The following NLGN1 variants were observed in gnomAD, a reference collection of about 807,000 sequenced individuals.
NLGN1 encodes neuroligin 1.
NLGN1 carries 12 observed loss-of-function variants against 65.5 expected under a neutral mutation model. That is an observed-to-expected ratio of 0.18 (90% CI 0.12 to 0.30). NLGN1 has a LOEUF of 0.30. NLGN1 is among the 10% of genes least tolerant of loss of function. The probability of loss-of-function intolerance (pLI) is 1.00; values close to 1 mark genes in which losing one functional copy is unlikely to be tolerated. For missense variants in NLGN1, 750 were observed against 1,007.1 expected, an observed-to-expected ratio of 0.74 and a Z score of 3.46; for synonymous variants, 350 against 359.5, an observed-to-expected ratio of 0.97 and a Z score of 0.30.
chr3:173,397,575 C>T (rs9838051), upstream of NLGN1, among the ~76,000 whole-genome samples: 40,392 of 151,478 alleles, frequency 0.27, 5,778 homozygotes, highest in East Asian at 0.56. Context: ...TTGGCGTCTT[C>T]GGAGCAGATG....
intron 3 of NLGN1, among the ~76,000 whole-genome samples, chr3:173,747,099 CACGTGTGTATACCACGTGTAT>C (rs1775529679): frequency 6.7e-6 from 1 of 149,924 alleles, no homozygotes; most frequent in Non-Finnish European, 1.5e-5. Context: ...CACAAACACA[CACGTGTGTATACCACGTGTAT>C]ACGTGTGTGT....
intron 4 of NLGN1, among the ~76,000 whole-genome samples, chr3:174,173,811 T>C (rs1000599982): frequency 9.9e-5 from 15 of 152,024 alleles, no homozygotes; most frequent in Admixed American, 9.2e-4. Context: ...TTCTTTTATC[T>C]AATTTCTTTC....
chr3:173,652,310 CT>C (rs1235561846), intron 3 of NLGN1, among the ~76,000 whole-genome samples: 2 of 152,096 alleles, frequency 1.3e-5, no homozygotes, highest in African/African-American at 2.4e-5. Context: ...GTTGCTTGTG[CT>C]TTTGAGATCT....
rs116171209 is a variant in NLGN1 at position 174,042,341 on chromosome 3, C to T, written c.647-232974C>T. Among the ~76,000 whole-genome samples the T allele has an allele frequency of 3.6e-3, 551 of 152,108 alleles. 4 individuals carry two copies. Among genetic ancestry groups the T allele is most frequent in the African/African-American group, 0.012 (509 of 41,500 alleles). ...CTGCATTTTTCTGTAAAATATTTAG[C>T]GTTTCATATTTTACAGTTGGGTCAA... is the stretch of plus-strand genomic sequence containing the variant. On this transcript the variant is annotated intron_variant, in intron 4 of 6. Coordinates refer to ENST00000457714, the Ensembl canonical transcript of NLGN1.
At chr3:174,290,752 A>C (rs914044544), downstream of NLGN1, among the ~76,000 whole-genome samples, 2 of 151,090 alleles carry the variant, frequency 1.3e-5, no homozygotes, top group African/African-American at 4.8e-5. Context: ...GAGCTGATTA[A>C]ATACTGGGAA....
intron 2 of NLGN1, among the ~76,000 whole-genome samples, chr3:173,525,210 G>T (rs979244195): frequency 6.6e-6 from 1 of 150,718 alleles, no homozygotes; most frequent in African/African-American, 2.4e-5. Flanking sequence ...CTGTGAATCT[G>T]TCTGGTCCTG....
intron 4 of NLGN1, among the ~76,000 whole-genome samples, chr3:173,982,807 A>G (rs1184975724): frequency 6.6e-6 from 1 of 152,162 alleles, no homozygotes; most frequent in African/African-American, 2.4e-5. Flanking sequence ...ACAGTAAAAC[A>G]TATCAGGCCC....
At chr3:174,183,091 C>T (rs962497484) in intron 4 of NLGN1, among the ~76,000 whole-genome samples, 3 of 151,984 alleles carry the variant, frequency 2.0e-5, no homozygotes, top group Admixed American at 6.6e-5. Context: ...CACCTGCATT[C>T]GCCCAGCTTC....
At chr3:174,106,543 A>T (rs531420706) in intron 4 of NLGN1, among the ~76,000 whole-genome samples, 2 of 152,040 alleles carry the variant, frequency 1.3e-5, no homozygotes, top group African/African-American at 2.4e-5. Context: ...TTCATTAAAC[A>T]TTTTATTTTT....
At chr3:173,985,991 A>G (rs1719801935) in intron 4 of NLGN1, among the ~76,000 whole-genome samples, 1 of 151,954 alleles carries the variant, frequency 6.6e-6, no homozygotes, top group South Asian at 2.1e-4. Context: ...AACTATTAAG[A>G]TCTGCTGTGA....
chr3:173,437,076 G>A (rs1184907907), intron 2 of NLGN1, among the ~76,000 whole-genome samples: 1 of 152,184 alleles, frequency 6.6e-6, no homozygotes, highest in Non-Finnish European at 1.5e-5. Context: ...GCAATAAGAA[G>A]CACTACATAA....
intron 4 of NLGN1, among the ~76,000 whole-genome samples, chr3:174,187,124 A>G (rs1731546951): frequency 6.6e-6 from 1 of 151,752 alleles, no homozygotes; most frequent in African/African-American, 2.4e-5. Context: ...TTATTGTTGT[A>G]TTATTATTTT....
chr3:173,640,282 G>T (rs1404138292), intron 3 of NLGN1, among the ~76,000 whole-genome samples: 1 of 151,742 alleles, frequency 6.6e-6, no homozygotes, highest in Non-Finnish European at 1.5e-5. Context: ...TTAGAAGAAA[G>T]GTCTATATTT....
chr3:173,431,475 A>G (rs1717150452), intron 1 of NLGN1, among the ~76,000 whole-genome samples: 1 of 152,098 alleles, frequency 6.6e-6, no homozygotes, highest in Non-Finnish European at 1.5e-5. Context: ...ATATTGACAA[A>G]CCTGATGAAA....
At chr3:173,794,709 G>A (rs1328866319) in intron 3 of NLGN1, among the ~76,000 whole-genome samples, 1 of 152,056 alleles carries the variant, frequency 6.6e-6, no homozygotes, top group Non-Finnish European at 1.5e-5. Context: ...AAAGAATAAT[G>A]AGCTTTGCAA....
chr3:173,985,441 G>A (rs978039962), intron 4 of NLGN1, among the ~76,000 whole-genome samples: 1 of 152,082 alleles, frequency 6.6e-6, no homozygotes, highest in Admixed American at 6.6e-5. Context: ...TTGGTAGCAG[G>A]AACCCATTCT....
At chr3:173,488,360 T>C (rs1728507826) in intron 2 of NLGN1, among the ~76,000 whole-genome samples, 1 of 152,064 alleles carries the variant, frequency 6.6e-6, no homozygotes, top group East Asian at 1.9e-4. Context: ...TGTGGACATA[T>C]TTTTCTATGT....
chr3:173,690,635 A>G (rs1315129000), intron 3 of NLGN1, among the ~76,000 whole-genome samples: 1 of 152,182 alleles, frequency 6.6e-6, no homozygotes, highest in Non-Finnish European at 1.5e-5. Context: ...ATTCCGTAGA[A>G]GCTCTTAGTG....
At chr3:173,447,091 G>T (rs1337632496) in intron 2 of NLGN1, among the ~76,000 whole-genome samples, 1 of 152,136 alleles carries the variant, frequency 6.6e-6, no homozygotes, top group Non-Finnish European at 1.5e-5. Flanking sequence ...TGTCAATTTT[G>T]ACTTTTGTTG....
Sources: gnomAD v4.1 joint callset for allele counts (sites outside exome capture counted in the v4.1 genomes callset) on GRCh38, gnomAD v4.1.1 for gene constraint, MANE v1.5 for transcripts, NCBI Gene and HGNC (gene_info 2026-07-23, HGNC 2026-07-21) for gene names.